Variants in FGGY observed in about 807,000 individuals in gnomAD.
FGGY encodes FGGY carbohydrate kinase domain-containing protein.
In FGGY, 72 loss-of-function variants were observed where a neutral mutation model predicts 71.3. That is an observed-to-expected ratio of 1.01 (90% CI 0.84 to 1.23). FGGY has a LOEUF of 1.23. FGGY is among the 50% of genes most tolerant of loss of function. The probability of loss-of-function intolerance (pLI) is 0.00; values close to 1 mark genes in which losing one functional copy is unlikely to be tolerated. For synonymous variants in FGGY, 251 were observed against 250.3 expected (o/e 1.00, Z -0.02); for missense variants, 668 against 682.3 (o/e 0.98, Z 0.23).
chr1:59,337,849 T>G (rs1195226971), intron 2 of FGGY, among the ~76,000 whole-genome samples: 1 of 152,228 alleles, frequency 6.6e-6, no homozygotes, highest in African/African-American at 2.4e-5. Flanking sequence ...ATGCTTTTAA[T>G]TTACTTTTCT....
At chr1:59,758,969 A>C (rs1008289183) in intron 15 of FGGY, among the ~76,000 whole-genome samples, 1 of 152,178 alleles carries the variant, frequency 6.6e-6, no homozygotes, top group African/African-American at 2.4e-5. Flanking sequence ...TAAAGGATCC[A>C]GTACAGGGGG....
chr1:59,326,855 G>A (rs2047527784), intron 2 of FGGY, among the ~76,000 whole-genome samples: 1 of 151,964 alleles, frequency 6.6e-6, no homozygotes, highest in Admixed American at 6.6e-5. Flanking sequence ...TTGCAACAAA[G>A]CTCACATGAA....
At chr1:59,687,031 T>C (rs2097549079) in intron 14 of FGGY, among the ~76,000 whole-genome samples, 1 of 152,196 alleles carries the variant, frequency 6.6e-6, no homozygotes, top group Admixed American at 6.5e-5. Flanking sequence ...TTTACATATA[T>C]TACTGAAAGG....
chr1:59,584,470 CG>C (rs1178983717), intron 8 of FGGY, among the ~76,000 whole-genome samples: 13 of 149,882 alleles, frequency 8.7e-5, no homozygotes, highest in Non-Finnish European at 1.6e-4. Context: ...AATTCAACAA[CG>C]CTTCATGCTA....
Position 59,638,253 on chromosome 1 carries a change from A to T in FGGY, c.1099A>T (p.Asn367Tyr). ...ATGCCAGAGTATATATGCATATTTG[A>T]ACAGTCACCTGGATCTGATTAAGAA... ...ARCQSIYAYLNSHLDLIKKAQ... is the reference protein window; with the variant it reads ...ARCQSIYAYLYSHLDLIKKAQ... Residue 367 changes from asparagine (N) to tyrosine (Y), a missense_variant, in exon 11 of 16, where the codon AAC becomes TAC. By Grantham distance (143) the Asn-to-Tyr change is moderately radical (BLOSUM62 -2). Around this residue, in one of 2 missense-constraint regions of FGGY, gnomAD observed 661 missense variants for 661.6 expected, o/e 1.00. Transcript: ENST00000303721. 6.2e-7 allele frequency: 1 copy of T among 1,614,172 alleles called. No homozygotes were observed. The highest frequency in any genetic ancestry group is 1.1e-5 in the South Asian group (1 of 91,068).
chr1:59,568,055 T>C (rs1337073393), intron 8 of FGGY, among the ~76,000 whole-genome samples: 1 of 152,104 alleles, frequency 6.6e-6, no homozygotes, highest in African/African-American at 2.4e-5. Flanking sequence ...GTTAATACTG[T>C]ATATATACAA....
intron 8 of FGGY, among the ~76,000 whole-genome samples, chr1:59,596,391 T>G (rs2096525023): frequency 6.6e-6 from 1 of 151,654 alleles, no homozygotes; most frequent in Non-Finnish European, 1.5e-5. Flanking sequence ...CCTCCAGACC[T>G]AATGTGGAAG....
In FGGY at chr1:59,554,110, T is replaced by C. The variant is rs2272052; in HGVS notation, c.800-14T>C. ...GTGTTAAAGAGGATTTGTTTTTGTT[T>C]TCCTTTCTCACAGGAGTGATTGGGG... On this transcript the variant is annotated splice_polypyrimidine_tract_variant and intron_variant, in intron 7 of 15. Transcript: ENST00000303721. The C allele has an allele frequency of 0.031, 48,857 of 1,577,354 alleles. 1,926 individuals carry two copies. Among genetic ancestry groups the C allele is most frequent in the African/African-American group, 0.18 (13,562 of 73,968 alleles).
intron 5 of FGGY, among the ~76,000 whole-genome samples, chr1:59,401,525 A>G (rs1056828482): frequency 2.0e-5 from 3 of 152,234 alleles, no homozygotes; most frequent in African/African-American, 7.2e-5. Context: ...CATTGTTGCC[A>G]TGTTAAACTT....
intron 7 of FGGY, among the ~76,000 whole-genome samples, chr1:59,538,872 C>A (rs1439326996): frequency 6.7e-6 from 1 of 150,130 alleles, no homozygotes; most frequent in African/African-American, 2.4e-5. Context: ...GGAGGGATAG[C>A]ATTGGGAGAT....
chr1:59,629,260 A>G (rs1176864916), intron 10 of FGGY, among the ~76,000 whole-genome samples: 2 of 152,158 alleles, frequency 1.3e-5, no homozygotes, highest in African/African-American at 4.8e-5. Context: ...TGTAGTTAGT[A>G]TATTAGACAT....
chr1:59,327,045 A>C (rs1457869779), intron 2 of FGGY, among the ~76,000 whole-genome samples: 1 of 152,216 alleles, frequency 6.6e-6, no homozygotes, highest in Non-Finnish European at 1.5e-5. Context: ...GGAGGGTTTT[A>C]CCTTGATGTT....
intron 7 of FGGY, among the ~76,000 whole-genome samples, chr1:59,548,626 G>T (rs1050613172): frequency 1.1e-4 from 16 of 152,276 alleles, no homozygotes; most frequent in African/African-American, 3.6e-4. Context: ...TACTAGGCAT[G>T]TTTTAACCTG....
intron 6 of FGGY, among the ~76,000 whole-genome samples, chr1:59,503,628 A>G (rs924361049): frequency 7.1e-6 from 1 of 141,434 alleles, no homozygotes; most frequent in Non-Finnish European, 1.5e-5. Context: ...TAAAATATGT[A>G]TTATATATAT....
intron 5 of FGGY, among the ~76,000 whole-genome samples, chr1:59,389,798 C>G (rs1340277821): frequency 1.3e-5 from 2 of 152,090 alleles, no homozygotes; most frequent in Non-Finnish European, 2.9e-5. Context: ...ATAAAGTAGT[C>G]TCTTATTGTG....
intron 14 of FGGY, among the ~76,000 whole-genome samples, chr1:59,687,242 G>A (rs891953976): frequency 6.6e-6 from 1 of 152,092 alleles, no homozygotes; most frequent in Non-Finnish European, 1.5e-5. Context: ...TGCATTTTCT[G>A]TCTGATTCCA....
chr1:59,384,023 A>T (rs2153357419), intron 5 of FGGY, among the ~76,000 whole-genome samples: 3 of 152,294 alleles, frequency 2.0e-5, no homozygotes, highest in South Asian at 4.1e-4. Flanking sequence ...TTGGGTTCAC[A>T]AAGTGGAGGG....
intron 4 of FGGY, among the ~76,000 whole-genome samples, chr1:59,373,087 G>A (rs1463284772): frequency 2.6e-5 from 4 of 152,100 alleles, no homozygotes; most frequent in South Asian, 2.1e-4. Context: ...AGGAAAGAAT[G>A]GGTATTCAAT....
At chr1:59,751,030 G>C (rs1025528774) in intron 14 of FGGY, among the ~76,000 whole-genome samples, 33 of 152,270 alleles carry the variant, frequency 2.2e-4, no homozygotes, top group African/African-American at 7.9e-4. Flanking sequence ...TCCAGCCTAG[G>C]GCACTCAAGA....
Sources: gnomAD v4.1 joint callset for allele counts (sites outside exome capture counted in the v4.1 genomes callset) on GRCh38, gnomAD v4.1.1 for gene constraint, gnomAD v4.1.1 regional missense constraint, MANE v1.5 for transcripts, NCBI Gene and HGNC (gene_info 2026-07-23, HGNC 2026-07-21) for gene names.